Variants in COPG2 observed in about 807,000 individuals in gnomAD.
The protein encoded by COPG2 is coatomer subunit gamma-2.
Under a neutral mutation model 46.3 loss-of-function variants are expected in COPG2, and 37 were observed. The ratio of observed to expected loss-of-function variants is 0.80; its 90% CI spans 0.61 to 1.05. COPG2 has a LOEUF of 1.05. Ranked by LOEUF, COPG2 falls within the 50% of genes least tolerant of loss-of-function variation. The pLI is 0.00. For missense variants in COPG2, 427 were observed against 387.8 expected, an observed-to-expected ratio of 1.10 and a Z score of -0.85; for synonymous variants, 159 against 129.7, an observed-to-expected ratio of 1.23 and a Z score of -1.53.
intron 5 of COPG2, chr7:130,645,119 T>A: frequency 2.5e-6 from 1 of 398,168 alleles, no homozygotes; most frequent in Non-Finnish European, 4.9e-6. Context: ...TTTTTTCAGG[T>A]GACTGGAAAA....
chr7:130,521,014 G>A (rs1216923709), intron 20 of COPG2, among the ~76,000 whole-genome samples: 2 of 152,238 alleles, frequency 1.3e-5, no homozygotes, highest in East Asian at 1.9e-4. Context: ...TAGTGTTTTA[G>A]TGATGACTGA....
intron 18 of COPG2, among the ~76,000 whole-genome samples, chr7:130,549,043 C>CAAAAAAAAAA (rs1284034360): frequency 2.7e-5 from 3 of 110,636 alleles, no homozygotes; most frequent in East Asian, 2.7e-4. Context: ...AAGCAAAAAG[C>CAAAAAAAAAA]AAAAAAAAAA....
intron 9 of COPG2, among the ~76,000 whole-genome samples, chr7:130,577,705 G>A (rs535948531): frequency 2.0e-5 from 3 of 148,206 alleles, no homozygotes; most frequent in Non-Finnish European, 3.0e-5. Context: ...AGCTTGCAGT[G>A]AGCCGAGATT....
At chr7:130,639,029 C>G (rs1795406014) in intron 5 of COPG2, among the ~76,000 whole-genome samples, 1 of 152,182 alleles carries the variant, frequency 6.6e-6, no homozygotes, top group Non-Finnish European at 1.5e-5. Context: ...ATGCCCCATC[C>G]TGCTTCAACT....
intron 3 of COPG2, 61 bp downstream of exon 3, chr7:130,666,788 C>G: frequency 1.3e-6 from 1 of 747,256 alleles, no homozygotes; most frequent in Non-Finnish European, 2.2e-6. Context: ...AAGTATTTCA[C>G]TGAATCTTCA....
chr7:130,616,281 T>C (rs556410163), intron 6 of COPG2, among the ~76,000 whole-genome samples: 1 of 152,342 alleles, frequency 6.6e-6, no homozygotes, highest in Admixed American at 6.5e-5. Flanking sequence ...GCTTACTATA[T>C]TGGCAGCAGT....
intron 9 of COPG2, among the ~76,000 whole-genome samples, chr7:130,598,601 T>C (rs1554450010): frequency 6.6e-6 from 1 of 152,198 alleles, no homozygotes; most frequent in Admixed American, 6.5e-5. Context: ...TTCCTAGGTA[T>C]GGCACGATTT....
intron 5 of COPG2, among the ~76,000 whole-genome samples, chr7:130,639,792 C>G (rs1554456928): frequency 2.0e-5 from 3 of 152,096 alleles, no homozygotes; most frequent in Non-Finnish European, 4.4e-5. Context: ...TATCTTTTTT[C>G]CCATACCATC....
At chr7:130,523,844 G>A (rs951529340) in intron 20 of COPG2, among the ~76,000 whole-genome samples, 19 of 152,222 alleles carry the variant, frequency 1.2e-4, no homozygotes, top group Non-Finnish European at 2.6e-4. Context: ...TCGGTGCTAA[G>A]GAGGGAGGAG....
At chr7:130,553,343 T>C (rs1410275876) in intron 14 of COPG2, among the ~76,000 whole-genome samples, 1 of 150,192 alleles carries the variant, frequency 6.7e-6, no homozygotes, top group Non-Finnish European at 1.5e-5. Context: ...CGCCTTTTCT[T>C]TTTTTTTTAG....
At position 130,630,570 on chromosome 7, in the gene COPG2, T is replaced by C. The variant is rs1001941366; in HGVS notation, c.324-13505A>G. Among the ~76,000 whole-genome samples the C allele has an allele frequency of 2.6e-5, 4 of 152,184 alleles. No homozygotes were observed. In the South Asian group the frequency reaches 8.3e-4, roughly 31 times the overall value. On this transcript the variant is annotated intron_variant, in intron 5 of 23. Transcript: ENST00000425248. Reference sequence around the variant, plus strand: ...TTGCTCTATGTTTTTGAGAGATGAGTACTGAAATTTCCAGCTTTAATTGTG... The same window carrying C: ...TTGCTCTATGTTTTTGAGAGATGAGCACTGAAATTTCCAGCTTTAATTGTG...
intron 6 of COPG2, among the ~76,000 whole-genome samples, chr7:130,613,940 A>C (rs1794902224): frequency 6.6e-6 from 1 of 152,218 alleles, no homozygotes; most frequent in Non-Finnish European, 1.5e-5. Context: ...CAGAGGCTGA[A>C]CCCATCAGGA....
intron 9 of COPG2, chr7:130,602,693 G>A (rs144620234): frequency 0.058 from 8,882 of 152,138 alleles, 326 homozygotes; most frequent in African/African-American, 0.1. Flanking sequence ...GGCTGGTCTC[G>A]AACTCCTGAC....
chr7:130,591,112 C>T (rs1554448766), intron 9 of COPG2, among the ~76,000 whole-genome samples: 1,301 of 128,836 alleles, frequency 0.01, 14 homozygotes, highest in Non-Finnish European at 0.015. Flanking sequence ...GCCCCCCGCC[C>T]GGCCAGCTGC....
chr7:130,641,001 T>C (rs1554457150), intron 5 of COPG2, among the ~76,000 whole-genome samples: 1 of 151,568 alleles, frequency 6.6e-6, no homozygotes, highest in East Asian at 1.9e-4. Flanking sequence ...TATAGTACAA[T>C]ATATTAAAAT....
intron 5 of COPG2, among the ~76,000 whole-genome samples, chr7:130,634,435 C>T (rs532835458): frequency 2.0e-5 from 3 of 152,086 alleles, no homozygotes; most frequent in South Asian, 2.1e-4. Context: ...GAGGTCCTTC[C>T]CATCCCTTAT....
At chr7:130,612,498 T>C (rs1407901981) in intron 7 of COPG2, among the ~76,000 whole-genome samples, 2 of 152,068 alleles carry the variant, frequency 1.3e-5, no homozygotes, top group Non-Finnish European at 2.9e-5. Context: ...AAGAACAGGA[T>C]AGGGATGGAC....
rs921160185 is a variant in COPG2 at position 130,568,853 on chromosome 7, C to A, written c.738-4460G>T. On this transcript the variant is annotated intron_variant, in intron 9 of 23. Transcript: ENST00000425248. The stretch of plus-strand genomic sequence containing the variant: ...TAAATTTAAGAAAATTAAAATTATA[C>A]CAAGTACACTCTCAGACCACAGTAG... Among the ~76,000 whole-genome samples, 76 of 151,646 alleles carry A rather than the reference C, an allele frequency of 5.0e-4. 1 individual carries two copies. The highest frequency in any genetic ancestry group is 1.7e-3 in the African/African-American group (72 of 41,210).
intron 20 of COPG2, among the ~76,000 whole-genome samples, chr7:130,528,925 G>A (rs1799799096): frequency 6.6e-6 from 1 of 152,098 alleles, no homozygotes; most frequent in African/African-American, 2.4e-5. Context: ...ACAAAGCATA[G>A]TGTGGGTAAG....
Sources: gnomAD v4.1 joint callset for allele counts (sites outside exome capture counted in the v4.1 genomes callset) on GRCh38, gnomAD v4.1.1 for gene constraint, MANE v1.5 for transcripts, NCBI Gene and HGNC (gene_info 2026-07-23, HGNC 2026-07-21) for gene names.